Variants in GAK observed in about 807,000 individuals in gnomAD.
GAK encodes cyclin G associated kinase.
GAK carries 79 observed loss-of-function variants against 143.9 expected under a neutral mutation model. The ratio of observed to expected loss-of-function variants is 0.55; its 90% CI spans 0.46 to 0.66. GAK has a LOEUF of 0.66. GAK is among the 30% of genes least tolerant of loss of function. GAK has a pLI of 0.00. For missense variants in GAK, 1,693 were observed against 1,779.7 expected (o/e 0.95, Z 0.88); for synonymous variants, 881 against 765.5 (o/e 1.15, Z -2.49).
chr4:912,832 A>G (rs759538109), intron 2 of GAK, 38 bp from the exon 3 acceptor site: 1 of 1,581,896 alleles, frequency 6.3e-7, no homozygotes, highest in South Asian at 1.1e-5. Context: ...GATGAAAGCA[A>G]GTTTACCTTC....
At chr4:894,196 A>C in intron 7 of GAK, 187 bp from the exon 8 acceptor site, 1 of 543,516 alleles carries the variant, frequency 1.8e-6, no homozygotes, top group Non-Finnish European at 2.8e-6. Context: ...GAACATGGGA[A>C]ATGCAGGGGT....
chr4:890,115 C>T (rs1408275012), intron 10 of GAK, among the ~76,000 whole-genome samples: 1 of 152,240 alleles, frequency 6.6e-6, no homozygotes, highest in Non-Finnish European at 1.5e-5. Context: ...CCTCCAGCCC[C>T]AAAAGGGGTG....
chr4:852,484 G>A (rs369075873), intron 24 of GAK: 1 of 170,294 alleles, frequency 5.9e-6, no homozygotes, highest in Non-Finnish European at 1.3e-5. Flanking sequence ...CTGTCACCCA[G>A]GCTGGAGTGC....
At chr4:915,098 A>C (rs951513095) in intron 1 of GAK, among the ~76,000 whole-genome samples, 1 of 118,986 alleles carries the variant, frequency 8.4e-6, no homozygotes, top group Admixed American at 9.1e-5. Context: ...ACACAGCCCC[A>C]GCGTACACGG....
chr4:888,822 C>G (rs1486633675), intron 11 of GAK, 25 bp downstream of exon 11: 1 of 1,589,436 alleles, frequency 6.3e-7, no homozygotes. Flanking sequence ...GCGGCAGGTC[C>G]AGGGCTCTGG....
Position 849,886 on chromosome 4 carries a change from G to C in GAK, c.3834+6C>G. 1 of 1,575,742 alleles carries C rather than the reference G, an allele frequency of 6.3e-7. No homozygotes were observed. On this transcript the variant is annotated splice_donor_region_variant and intron_variant, in intron 27 of 27. Coordinates refer to ENST00000314167, the MANE Select transcript of GAK (RefSeq NM_005255.4). ...CCTCAAGCGGCCGCCTGGCAGCTCT[G>C]CTCACCTTGTCGGGGTGCACAGCCA...
chr4:930,205 G>A (rs1182763811), intron 1 of GAK, among the ~76,000 whole-genome samples: 1 of 152,130 alleles, frequency 6.6e-6, no homozygotes, highest in African/African-American at 2.4e-5. Context: ...ACTTAATTCA[G>A]CTTTCACACT....
chr4:907,501 A>G (rs1721292265), intron 4 of GAK, among the ~76,000 whole-genome samples: 1 of 152,202 alleles, frequency 6.6e-6, no homozygotes. Context: ...GCTGGCCATC[A>G]TGGATGGGCG....
intron 23 of GAK, among the ~76,000 whole-genome samples, chr4:864,913 T>C (rs1750883895): frequency 6.6e-6 from 1 of 152,210 alleles, no homozygotes; most frequent in Non-Finnish European, 1.5e-5. Flanking sequence ...ACCAAGTCTG[T>C]GTCCCCACGT....
intron 1 of GAK, among the ~76,000 whole-genome samples, chr4:922,616 G>C (rs1412157726): frequency 1.3e-5 from 2 of 151,464 alleles, no homozygotes; most frequent in Non-Finnish European, 1.5e-5. Context: ...CAAGCCTCCA[G>C]AACTGCGAGA....
Position 854,904 on chromosome 4 carries a change from G to A in GAK, c.3284-2930C>T, listed in dbSNP as rs550532177. On this transcript the variant is annotated intron_variant, in intron 24 of 27. Coordinates refer to ENST00000314167, the MANE Select transcript of GAK (RefSeq NM_005255.4). ...ACTAAAAATACAAAAAATTAGCTGG[G>A]CGTGGTGGCGGGTGCCTGTAGTCCC... Among the ~76,000 whole-genome samples, 622 of 152,258 alleles carry A rather than the reference G, an allele frequency of 4.1e-3. 1 individual carries two copies. The highest frequency in any genetic ancestry group is 6.7e-3 in the Non-Finnish European group (456 of 68,022).
intron 7 of GAK, among the ~76,000 whole-genome samples, chr4:895,660 AG>A (rs34522109): frequency 6.6e-6 from 1 of 152,230 alleles, no homozygotes; most frequent in Non-Finnish European, 1.5e-5. Flanking sequence ...TGACGGGGTA[AG>A]GGGACGTCAA....
chr4:864,116 T>A (rs1214506857), intron 23 of GAK, among the ~76,000 whole-genome samples: 12 of 152,200 alleles, frequency 7.9e-5, no homozygotes, highest in Non-Finnish European at 1.2e-4. Context: ...CCCAGCACCC[T>A]GAGAGGCTGA....
At chr4:863,420 A>G (rs1750635372) in intron 23 of GAK, among the ~76,000 whole-genome samples, 1 of 152,250 alleles carries the variant, frequency 6.6e-6, no homozygotes, top group Admixed American at 6.5e-5. Flanking sequence ...CTTAGTTGAC[A>G]CAGCAGTGGC....
At chr4:910,372 A>C (rs1382312407) in intron 4 of GAK, among the ~76,000 whole-genome samples, 4 of 94,496 alleles carry the variant, frequency 4.2e-5, no homozygotes, top group Non-Finnish European at 5.9e-5. Flanking sequence ...GGCCCCCCAC[A>C]AAGCACGGGA....
chr4:863,262 T>C (rs950571584), intron 23 of GAK, among the ~76,000 whole-genome samples: 1 of 152,206 alleles, frequency 6.6e-6, no homozygotes, highest in African/African-American at 2.4e-5. Context: ...TGGGACCGAA[T>C]TACTGCAATC....
rs1446181969 is a variant in GAK, at chr4:911,756, T to C, written c.299A>G (p.Gln100Arg). Residue 100 changes from glutamine to arginine, a missense_variant, in exon 4 of 28, where the codon CAG becomes CGG. Around this residue, in one of 2 missense-constraint regions of GAK, gnomAD observed 871 missense variants for 991.0 expected, o/e 0.88. Transcript: ENST00000314167. ...TCCTATAGACGCTGCAGAACAAAAC[T>C]GGACAATGTTCGGGTGGCCGGAAAG... ...KKLSGHPNIV[Q>R]FCSAASIGKE... 2 of 1,614,040 alleles carry C rather than the reference T, an allele frequency of 1.2e-6. No homozygotes were observed. Among genetic ancestry groups the C allele is most frequent in the Non-Finnish European group, 1.7e-6 (2 of 1,179,936 alleles).
intron 1 of GAK, among the ~76,000 whole-genome samples, chr4:923,322 G>A (rs1333218553): frequency 6.6e-6 from 1 of 152,074 alleles, no homozygotes; most frequent in Non-Finnish European, 1.5e-5. Flanking sequence ...GGCATGTCGG[G>A]TACCTCCAAG....
intron 15 of GAK, among the ~76,000 whole-genome samples, chr4:880,200 T>A (rs1182700645): frequency 2.0e-5 from 3 of 151,686 alleles, no homozygotes; most frequent in Admixed American, 2.0e-4. Context: ...TCTCCACAGC[T>A]CTGACGAACG....
Sources: gnomAD v4.1 joint callset for allele counts (sites outside exome capture counted in the v4.1 genomes callset) on GRCh38, gnomAD v4.1.1 for gene constraint, gnomAD v4.1.1 regional missense constraint, MANE v1.5 for transcripts, NCBI Gene and HGNC (gene_info 2026-07-23, HGNC 2026-07-21) for gene names.